IL1RAPL2: variants seen among roughly 807,000 people sequenced by gnomAD.
The protein encoded by IL1RAPL2 is X-linked interleukin-1 receptor accessory protein-like 2.
Under a neutral mutation model 44.1 loss-of-function variants are expected in IL1RAPL2, and 3 were observed. The observed-to-expected ratio is 0.07, with a 90% CI of 0.03 to 0.18. IL1RAPL2 has a LOEUF of 0.18. Ranked by LOEUF, IL1RAPL2 falls within the 10% of genes least tolerant of loss-of-function variation. The probability of loss-of-function intolerance (pLI) is 1.00; values close to 1 mark genes in which losing one functional copy is unlikely to be tolerated. For missense variants in IL1RAPL2, 391 were observed against 496.4 expected, an observed-to-expected ratio of 0.79 and a Z score of 2.02; for synonymous variants, 181 against 178.8, an observed-to-expected ratio of 1.01 and a Z score of -0.10.
chrX:104,674,036 A>G (rs1360019267), intron 2 of IL1RAPL2, among the ~76,000 whole-genome samples: 2 of 111,675 alleles, frequency 1.8e-5, no homozygotes, highest in East Asian at 2.8e-4. Flanking sequence ...CAATCATGTC[A>G]TCTGCAAACA....
At chrX:105,069,287 C>T (rs997606473) in intron 2 of IL1RAPL2, among the ~76,000 whole-genome samples, 2 of 112,583 alleles carry the variant, frequency 1.8e-5, no homozygotes, top group African/African-American at 6.4e-5. Context: ...ATCCACTTTA[C>T]ATTTATAATA....
intron 6 of IL1RAPL2, among the ~76,000 whole-genome samples, chrX:105,659,101 G>A (rs748369462): frequency 4.5e-5 from 5 of 110,251 alleles, no homozygotes; most frequent in South Asian, 7.8e-4. Flanking sequence ...TGCTCCAGCC[G>A]GGGCAACAGA....
chrX:105,747,549 CACAT>C (rs2147582756), intron 8 of IL1RAPL2, among the ~76,000 whole-genome samples: 1 of 98,467 alleles, frequency 1.0e-5, no homozygotes, highest in African/African-American at 3.8e-5. Context: ...CACACACACA[CACAT>C]ATATACACAC....
chrX:105,280,522 T>G (rs1174361187), intron 5 of IL1RAPL2, among the ~76,000 whole-genome samples: 4 of 111,174 alleles, frequency 3.6e-5, no homozygotes, highest in Admixed American at 9.6e-5. Context: ...ATTTTTGCAA[T>G]CTATCCATCT....
intron 2 of IL1RAPL2, among the ~76,000 whole-genome samples, chrX:104,813,651 A>T (rs950352397): frequency 7.2e-5 from 8 of 111,480 alleles, no homozygotes; most frequent in Non-Finnish European, 1.5e-4. Context: ...TCACTTTTTC[A>T]GTCCTTTCCT....
At chrX:104,735,909 C>A (rs1932005464) in intron 2 of IL1RAPL2, among the ~76,000 whole-genome samples, 1 of 111,474 alleles carries the variant, frequency 9.0e-6, no homozygotes, top group African/African-American at 3.3e-5. Flanking sequence ...TAAGTCAAAC[C>A]TTCTTAGCCT....
At chrX:105,604,988 T>A (rs2037283055) in intron 6 of IL1RAPL2, among the ~76,000 whole-genome samples, 1 of 110,430 alleles carries the variant, frequency 9.1e-6, no homozygotes, top group South Asian at 3.8e-4. Context: ...AGAATGCACC[T>A]CAATACAATA....
At chrX:104,734,455 C>T (rs960262547) in intron 2 of IL1RAPL2, among the ~76,000 whole-genome samples, 4 of 112,597 alleles carry the variant, frequency 3.6e-5, no homozygotes, top group African/African-American at 1.3e-4. Flanking sequence ...TAGTGGGACA[C>T]TATTCAGCAA....
At chrX:104,754,544 C>G (rs890221961) in intron 2 of IL1RAPL2, among the ~76,000 whole-genome samples, 1 of 111,200 alleles carries the variant, frequency 9.0e-6, no homozygotes, top group African/African-American at 3.3e-5. Flanking sequence ...AATTTCTCTG[C>G]CAGGCTAGGA....
At chrX:105,035,226 G>A (rs5916852) in intron 2 of IL1RAPL2, among the ~76,000 whole-genome samples, 51,865 of 110,464 alleles carry the variant, frequency 0.47, 9,455 homozygotes, top group East Asian at 0.75. Flanking sequence ...TTCGGCTCAC[G>A]CACGGTGCAC....
chrX:104,904,008 C>T (rs765413437), intron 2 of IL1RAPL2, among the ~76,000 whole-genome samples: 2 of 111,645 alleles, frequency 1.8e-5, no homozygotes, highest in South Asian at 7.6e-4. Context: ...TAAACTTTCA[C>T]CTGTAGTTTG....
intron 2 of IL1RAPL2, among the ~76,000 whole-genome samples, chrX:105,042,241 C>T (rs1336954244): frequency 6.4e-5 from 7 of 108,578 alleles, no homozygotes; most frequent in East Asian, 5.9e-4. Flanking sequence ...TCTAATTAAA[C>T]TAAAGAGCTT....
intron 2 of IL1RAPL2, among the ~76,000 whole-genome samples, chrX:104,701,535 G>A (rs1439918252): frequency 1.8e-5 from 2 of 111,852 alleles, no homozygotes; most frequent in Admixed American, 9.5e-5. Context: ...TAAGAGCTCT[G>A]TGTTTACCAG....
At chrX:105,233,143 G>T (rs1027171702) in intron 3 of IL1RAPL2, among the ~76,000 whole-genome samples, 1 of 111,347 alleles carries the variant, frequency 9.0e-6, no homozygotes, top group African/African-American at 3.3e-5. Context: ...AATTAGCCGG[G>T]CGTGGTGGCG....
chrX:104,843,857 A>G, intron 2 of IL1RAPL2, among the ~76,000 whole-genome samples: 1 of 110,553 alleles, frequency 9.0e-6, no homozygotes, highest in Non-Finnish European at 1.9e-5. Context: ...GGCTCCTTCC[A>G]AACATACACA....
intron 3 of IL1RAPL2, among the ~76,000 whole-genome samples, chrX:105,230,880 G>T (rs1381610934): frequency 9.0e-6 from 1 of 111,449 alleles, no homozygotes; most frequent in Non-Finnish European, 1.9e-5. Flanking sequence ...GCTTTGTTAA[G>T]AAACCACTAT....
intron 5 of IL1RAPL2, among the ~76,000 whole-genome samples, chrX:105,328,767 T>TA (rs1400082984): frequency 8.9e-6 from 1 of 112,399 alleles, no homozygotes; most frequent in African/African-American, 3.2e-5. Flanking sequence ...CTTCTATGTT[T>TA]AGATACACAA....
At chrX:104,778,612 C>G (rs995498733) in intron 2 of IL1RAPL2, among the ~76,000 whole-genome samples, 1 of 105,600 alleles carries the variant, frequency 9.5e-6, no homozygotes, top group Non-Finnish European at 1.9e-5. Flanking sequence ...AACAGTAGTG[C>G]TATGAATATG....
chrX:104,760,465 A>G (rs1382911780), intron 2 of IL1RAPL2, among the ~76,000 whole-genome samples: 1 of 111,949 alleles, frequency 8.9e-6, no homozygotes, highest in Non-Finnish European at 1.9e-5. Flanking sequence ...TCTTTTGGGT[A>G]TAAGCCATTT....
Sources: gnomAD v4.1 joint callset for allele counts (sites outside exome capture counted in the v4.1 genomes callset) on GRCh38, gnomAD v4.1.1 for gene constraint, MANE v1.5 for transcripts, NCBI Gene and HGNC (gene_info 2026-07-23, HGNC 2026-07-21) for gene names.